Variants in SLC2A9 observed in about 807,000 individuals in gnomAD.
The protein encoded by SLC2A9 is solute carrier family 2, facilitated glucose transporter member 9.
SLC2A9 carries 39 observed loss-of-function variants against 50.6 expected under a neutral mutation model. The ratio of observed to expected loss-of-function variants is 0.77; its 90% CI spans 0.60 to 1.01. SLC2A9 has a LOEUF of 1.01. SLC2A9 is among the 50% of genes least tolerant of loss of function. The pLI, the probability that SLC2A9 is intolerant of heterozygous loss-of-function variation, is 0.00. For synonymous variants in SLC2A9, 324 were observed against 276.9 expected (o/e 1.17, Z -1.69); for missense variants, 686 against 677.6 (o/e 1.01, Z -0.14).
At chr4:9,881,650 C>T (rs576044403) in intron 10 of SLC2A9, among the ~76,000 whole-genome samples, 1 of 152,240 alleles carries the variant, frequency 6.6e-6, no homozygotes, top group Non-Finnish European at 1.5e-5. Context: ...GTGGGTCACA[C>T]AAACTAGGCC....
At chr4:9,868,514 T>C (rs1172070919) in intron 10 of SLC2A9, among the ~76,000 whole-genome samples, 1 of 152,254 alleles carries the variant, frequency 6.6e-6, no homozygotes, top group Non-Finnish European at 1.5e-5. Context: ...TCCACCCATT[T>C]ATTTCAATTG....
intron 10 of SLC2A9, among the ~76,000 whole-genome samples, chr4:9,839,564 T>A (rs938118772): frequency 6.6e-6 from 1 of 151,920 alleles, no homozygotes; most frequent in African/African-American, 2.4e-5. Flanking sequence ...AGGAAAGACA[T>A]GGAATCATCC....
chr4:9,856,310 G>A (rs1285634668), intron 10 of SLC2A9, among the ~76,000 whole-genome samples: 7 of 152,098 alleles, frequency 4.6e-5, no homozygotes, highest in Admixed American at 3.9e-4. Context: ...CAAAGGACAT[G>A]AACAGACACT....
intron 3 of SLC2A9, among the ~76,000 whole-genome samples, chr4:9,792,129 A>G (rs966922125): frequency 6.8e-6 from 1 of 147,542 alleles, no homozygotes; most frequent in African/African-American, 2.5e-5. Context: ...CTATTCCAGG[A>G]TACAAACCAG....
chr4:9,955,494 CAAAAAAAAAAAAA>C (rs71181004), intron 5 of SLC2A9, among the ~76,000 whole-genome samples: 2 of 23,652 alleles, frequency 8.5e-5, no homozygotes, highest in South Asian at 2.9e-3. Context: ...GACTCCGTCT[CAAAAAAAAAAAAA>C]AAAAAAAAAA....
rs534909381 is a variant in SLC2A9, at chr4:9,975,474, A to G, written c.681+5118T>C. On this transcript the variant is annotated intron_variant, in intron 5 of 11. Transcript: ENST00000264784. ...ACAGACACTTCTCAAAAGAAGACAT[A>G]CAAGTGGCCAACAAACATATTAAAA... Among the ~76,000 whole-genome samples the G allele has an allele frequency of 3.4e-4, 52 of 152,310 alleles. 1 individual carries two copies. The highest frequency in any genetic ancestry group is 1.2e-3 in the African/African-American group (49 of 41,574).
At chr4:9,801,470 C>T (rs1363231961) in intron 3 of SLC2A9, among the ~76,000 whole-genome samples, 1 of 152,204 alleles carries the variant, frequency 6.6e-6, no homozygotes, top group African/African-American at 2.4e-5. Flanking sequence ...AAATTCAACC[C>T]CGTTGGAGAC....
chr4:10,009,978 G>C (rs1299365410), intron 2 of SLC2A9, among the ~76,000 whole-genome samples: 1 of 152,172 alleles, frequency 6.6e-6, no homozygotes, highest in African/African-American at 2.4e-5. Flanking sequence ...GGGATTTCTT[G>C]AGTTATTCAT....
At chr4:9,968,650 T>C (rs2108990725) in intron 5 of SLC2A9, among the ~76,000 whole-genome samples, 1 of 152,334 alleles carries the variant, frequency 6.6e-6, no homozygotes, top group East Asian at 1.9e-4. Context: ...TGTTCCACAG[T>C]GTACAGTCAT....
chr4:9,874,406 C>T (rs1733946655), intron 10 of SLC2A9, among the ~76,000 whole-genome samples: 2 of 152,296 alleles, frequency 1.3e-5, no homozygotes, highest in African/African-American at 2.4e-5. Flanking sequence ...ACATGTGTAC[C>T]CCCACAGCTG....
chr4:10,019,271 C>G lies in SLC2A9; in HGVS notation c.151-198G>C, dbSNP rs2109540459. ...CCAGTCCAGGTCCGCGTGCGCAGGCCGGGCGCCCTCAGGTTTAGCGGCCAC... is the reference window on the plus strand; with the variant it reads ...CCAGTCCAGGTCCGCGTGCGCAGGCGGGGCGCCCTCAGGTTTAGCGGCCAC... On this transcript the variant is annotated intron_variant, in intron 1 of 11. Coordinates refer to ENST00000264784, the MANE Select transcript of SLC2A9 (RefSeq NM_020041.3). 5.1e-6 allele frequency: 3 copies of G among 590,466 alleles called. No individual in the cohort carries two copies. The South Asian group carries it at 6.2e-5, about 12-fold the overall frequency. The allele number at this position is 590,466 out of a possible 1,614,324, so 36.6% of individuals were successfully genotyped here.
intron 3 of SLC2A9, among the ~76,000 whole-genome samples, chr4:9,780,353 C>A (rs1718165292): frequency 6.6e-6 from 1 of 151,978 alleles, no homozygotes; most frequent in Non-Finnish European, 1.5e-5. Flanking sequence ...TGAGGAGAGA[C>A]CAGAGGTGAG....
intron 6 of SLC2A9, among the ~76,000 whole-genome samples, chr4:9,928,837 G>A (rs1360224365): frequency 3.3e-5 from 5 of 152,114 alleles, no homozygotes; most frequent in Admixed American, 6.5e-5. Flanking sequence ...AACATATTCC[G>A]AATGAAAAGT....
intron 1 of SLC2A9, among the ~76,000 whole-genome samples, chr4:9,773,494 G>A (rs570504406): frequency 4.2e-4 from 64 of 152,354 alleles, no homozygotes; most frequent in African/African-American, 1.2e-3. Context: ...TTCAGAAGAA[G>A]GAGGGTCAAT....
At chr4:9,993,421 G>A (rs1193283211) in intron 3 of SLC2A9, among the ~76,000 whole-genome samples, 5 of 152,182 alleles carry the variant, frequency 3.3e-5, no homozygotes, top group African/African-American at 1.2e-4. Context: ...GATGACACTA[G>A]TGAACAAAGG....
intron 10 of SLC2A9, among the ~76,000 whole-genome samples, chr4:9,861,011 T>A (rs1731535172): frequency 6.6e-6 from 1 of 152,328 alleles, no homozygotes; most frequent in East Asian, 1.9e-4. Flanking sequence ...ATTTTCTCCA[T>A]CATTCTCCTC....
At chr4:9,940,597 A>T (rs888918872) in intron 6 of SLC2A9, among the ~76,000 whole-genome samples, 3 of 152,186 alleles carry the variant, frequency 2.0e-5, no homozygotes, top group African/African-American at 7.2e-5. Context: ...AATCTCTATA[A>T]ACCAAAACCC....
At chr4:9,817,802 T>G (rs1035135651) in intron 3 of SLC2A9, among the ~76,000 whole-genome samples, 1 of 152,144 alleles carries the variant, frequency 6.6e-6, no homozygotes, top group African/African-American at 2.4e-5. Flanking sequence ...CTCAGCCCCC[T>G]AATCTCTCTG....
Position 9,920,494 on chromosome 4 carries a change from C to A in SLC2A9, c.893G>T (p.Ser298Ile), listed in dbSNP as rs775590963. The A allele has an allele frequency of 2.4e-5, 38 of 1,614,070 alleles. No homozygotes were observed. In the South Asian group the frequency reaches 4.1e-4, roughly 17 times the overall value. Residue 298 changes from serine (S) to isoleucine (I), a missense_variant, in exon 7 of 12, where the codon AGC (serine) becomes ATC (isoleucine). Physicochemically the swap from Ser to Ile is moderately radical, Grantham distance 142. Transcript: ENST00000264784. The part of the protein sequence containing the change: ...EVLAESRVQR[S>I]IRLVSVLELL... ...CTCCAGCACGGACACCAGGCGGATG[C>A]TCCTCTGCACGCGGCTCTCAGCCAG... is the stretch of plus-strand genomic sequence containing the variant.
Sources: allele counts gnomAD v4.1 joint callset (sites outside exome capture counted in the v4.1 genomes callset), GRCh38; gene constraint gnomAD v4.1.1; transcripts MANE v1.5; gene names NCBI Gene and HGNC (gene_info 2026-07-23, HGNC 2026-07-21).